Variants in KDM4A observed in about 807,000 individuals in gnomAD.
KDM4A encodes the protein lysine-specific demethylase 4A.
KDM4A carries 23 observed loss-of-function variants against 127.1 expected under a neutral mutation model. That is an observed-to-expected ratio of 0.18 (90% CI 0.13 to 0.26). KDM4A has a LOEUF of 0.26. KDM4A is among the 10% of genes least tolerant of loss of function. The pLI is 1.00. For synonymous variants in KDM4A, 443 were observed against 466.5 expected, an observed-to-expected ratio of 0.95 and a Z score of 0.65; for missense variants, 890 against 1,329.1, an observed-to-expected ratio of 0.67 and a Z score of 5.14.
chr1:43,703,836 AGGTT>A, intron 20 of KDM4A, 100 bp downstream of exon 20: 1 of 1,515,364 alleles, frequency 6.6e-7, no homozygotes, highest in Non-Finnish European at 9.0e-7. Flanking sequence ...GAGAACTAAT[AGGTT>A]GGTAACCCTT....
chr1:43,652,807 C>T (rs1269482330), intron 1 of KDM4A, among the ~76,000 whole-genome samples: 7 of 151,706 alleles, frequency 4.6e-5, no homozygotes, highest in African/African-American at 9.7e-5. Flanking sequence ...CTCAGCCTCC[C>T]GAGTAGCTAG....
chr1:43,660,374 A>G lies in KDM4A; in HGVS notation c.391A>G (p.Ile131Val), dbSNP rs777756691. ...GAAAAATCTTACATTCAATCCTCCA[A>G]TCTATGGTGCAGATGTGAATGGTAC... ...YWKNLTFNPP[I>V]YGADVNGTLY... Residue 131 changes from isoleucine (I) to valine (V), a missense_variant, in exon 4 of 22, where the codon ATC becomes GTC. By Grantham distance (29) the Ile-to-Val change is conservative. This residue lies in a region of KDM4A where 141 missense variants were observed against 273.5 expected (regional missense o/e 0.52). Transcript: ENST00000372396. 4 of 1,611,712 alleles carry G rather than the reference A, an allele frequency of 2.5e-6. No homozygotes were observed. The Admixed American group carries it at 6.7e-5, about 27-fold the overall frequency.
chr1:43,680,160 GAT>G (rs1660826327), intron 11 of KDM4A, among the ~76,000 whole-genome samples: 1 of 152,172 alleles, frequency 6.6e-6, no homozygotes, highest in Non-Finnish European at 1.5e-5. Flanking sequence ...AATGTGAAAA[GAT>G]ATTCAAATCT....
chr1:43,684,764 T>C (rs1021525099), intron 12 of KDM4A, among the ~76,000 whole-genome samples: 1 of 152,234 alleles, frequency 6.6e-6, no homozygotes, highest in Non-Finnish European at 1.5e-5. Context: ...CAGAGTCATT[T>C]AGATTCCTTT....
chr1:43,663,438 C>T (rs1020955223), intron 5 of KDM4A, among the ~76,000 whole-genome samples: 4 of 152,154 alleles, frequency 2.6e-5, no homozygotes, highest in African/African-American at 9.7e-5. Context: ...TCTCAGATGA[C>T]AGAAAGCTTT....
rs1316009338 is a variant in KDM4A, at chr1:43,683,765, C to T, written c.1816C>T (p.His606Tyr). Reference protein sequence around the residue: ...RRQPLSKLPRHHPLVLQECVS... With the variant: ...RRQPLSKLPRYHPLVLQECVS... ...TCAGCCTTTAAGCAAGCTCCCCCGC[C>T]ATCACCCACTTGTGCTGCAGGAGTG... The change falls in exon 12 of 22, where the codon CAT (histidine) becomes TAT (tyrosine). Residue 606 changes from histidine (H) to tyrosine (Y), a missense_variant. Physicochemically the swap from His to Tyr is moderately conservative, Grantham distance 83. This residue lies in a region of KDM4A where 389 missense variants were observed against 485.9 expected (regional missense o/e 0.80). Coordinates refer to ENST00000372396, the MANE Select transcript of KDM4A (RefSeq NM_014663.3). 4 of 1,614,054 alleles carry T rather than the reference C, an allele frequency of 2.5e-6. No individual in the cohort carries two copies. The highest frequency in any genetic ancestry group is 3.4e-6 in the Non-Finnish European group (4 of 1,180,040).
chr1:43,704,401 A>G lies in KDM4A; in HGVS notation c.*31A>G, dbSNP rs1164750579. The stretch of plus-strand genomic sequence containing the variant: ...TCCAGGGTCCAAGGGATTCTCAGCC[A>G]TCCAGGCAAGAGCACTCTGGGTTCC... On this transcript the variant is annotated 3_prime_UTR_variant, in exon 22 of 22. Transcript: ENST00000372396. The G allele has an allele frequency of 6.2e-7, 1 of 1,603,168 alleles. No individual in the cohort carries two copies. Among genetic ancestry groups the G allele is most frequent in the Non-Finnish European group, 8.5e-7 (1 of 1,175,434 alleles).
intron 1 of KDM4A, among the ~76,000 whole-genome samples, chr1:43,652,503 T>C (rs1232147579): frequency 2.0e-5 from 3 of 152,038 alleles, no homozygotes; most frequent in African/African-American, 7.2e-5. Flanking sequence ...TAAATAACTT[T>C]TTGTTGTTTA....
At chr1:43,703,435 A>C in intron 19 of KDM4A, 182 bp from the exon 20 acceptor site, 7 of 559,686 alleles carry the variant, frequency 1.3e-5, no homozygotes, top group East Asian at 3.2e-5. Flanking sequence ...AGGAGAGGGC[A>C]GAGATAGGGG....
chr1:43,666,869 C>A, intron 7 of KDM4A, 85 bp from the exon 8 acceptor site: 1 of 1,383,488 alleles, frequency 7.2e-7, no homozygotes, highest in Non-Finnish European at 1.0e-6. Context: ...CTTTGTTACT[C>A]AGCTAAGTTG....
chr1:43,703,585 C>A, intron 19 of KDM4A, 32 bp from the exon 20 acceptor site: 1 of 1,612,120 alleles, frequency 6.2e-7, no homozygotes, highest in Non-Finnish European at 8.5e-7. Flanking sequence ...GGTGGACGTT[C>A]CTTTCACCCT....
intron 6 of KDM4A, 57 bp from the exon 7 acceptor site, chr1:43,666,395 A>G: frequency 7.2e-7 from 1 of 1,383,060 alleles, no homozygotes; most frequent in East Asian, 2.3e-5. Context: ...AAGTGACTCC[A>G]GGATTGCGGA....
intron 10 of KDM4A, 126 bp downstream of exon 10, chr1:43,669,425 C>T (rs1660570097): frequency 2.1e-6 from 2 of 950,932 alleles, no homozygotes; most frequent in African/African-American, 3.2e-5. Flanking sequence ...AGATAGCATA[C>T]TTGGAGTGTG....
intron 13 of KDM4A, chr1:43,690,579 G>T: frequency 1.9e-6 from 1 of 517,964 alleles, no homozygotes; most frequent in Non-Finnish European, 3.5e-6. Context: ...ACTTTCTTTG[G>T]GAAGATTGAA....
rs748056247 is a variant in KDM4A at position 43,669,181 on chromosome 1, C to T, written c.1245C>T (p.Phe415=). Residue 415 remains phenylalanine, a synonymous_variant, in exon 10 of 22, where the codon TTC becomes TTT. Coordinates refer to ENST00000372396, the MANE Select transcript of KDM4A (RefSeq NM_014663.3). The part of the protein sequence containing the change: ...IPQEVSQSEL[F]PKEDLSSEQY... The stretch of plus-strand genomic sequence containing the variant: ...AGGAGGTGAGTCAGAGTGAGCTCTT[C>T]CCCAAGGAGGATCTGAGTTCTGAGC... 9.9e-6 allele frequency: 16 copies of T among 1,614,106 alleles called. No homozygotes were observed. The highest frequency in any genetic ancestry group is 8.3e-5 in the Admixed American group (5 of 60,000).
chr1:43,691,268 C>G (rs895404970), intron 14 of KDM4A, among the ~76,000 whole-genome samples: 1 of 152,210 alleles, frequency 6.6e-6, no homozygotes, highest in African/African-American at 2.4e-5. Flanking sequence ...AGGGATTAGT[C>G]CCTGCCACTT....
At chr1:43,672,962 C>T (rs1660658823) in intron 11 of KDM4A, among the ~76,000 whole-genome samples, 1 of 152,184 alleles carries the variant, frequency 6.6e-6, no homozygotes. Flanking sequence ...TCTTGACTGC[C>T]CTGTAGACTC....
chr1:43,699,323 G>A (rs192676090), intron 19 of KDM4A, among the ~76,000 whole-genome samples: 13 of 151,992 alleles, frequency 8.6e-5, no homozygotes, highest in Non-Finnish European at 1.9e-4. Flanking sequence ...TTTCGATCTC[G>A]CAGCTTGAAG....
chr1:43,683,743 G>A lies in KDM4A; in HGVS notation c.1794G>A (p.Gln598=), dbSNP rs914678964. The A allele has an allele frequency of 1.2e-6, 2 of 1,614,024 alleles. No homozygotes were observed. The highest frequency in any genetic ancestry group is 1.7e-6 in the Non-Finnish European group (2 of 1,180,024). The change falls in exon 12 of 22, where the codon CAG becomes CAA. Residue 598 remains glutamine, a synonymous_variant. Coordinates refer to ENST00000372396, the MANE Select transcript of KDM4A (RefSeq NM_014663.3). ...EENKKSKGRR[Q]PLSKLPRHHP... is the part of the protein sequence containing the mutation. ...ATAAGAAGTCCAAGGGACGCCGTCAGCCTTTAAGCAAGCTCCCCCGCCATC... is the reference window on the plus strand; with the variant it reads ...ATAAGAAGTCCAAGGGACGCCGTCAACCTTTAAGCAAGCTCCCCCGCCATC...
Sources: allele counts gnomAD v4.1 joint callset (sites outside exome capture counted in the v4.1 genomes callset), GRCh38; gene constraint gnomAD v4.1.1; regional missense constraint gnomAD v4.1.1; transcripts MANE v1.5; gene names NCBI Gene and HGNC (gene_info 2026-07-23, HGNC 2026-07-21).